Variants in SENP1 observed in about 807,000 individuals in gnomAD.
SENP1 encodes the protein SUMO specific peptidase 1, also known as sentrin-specific protease 1.
SENP1 carries 21 observed loss-of-function variants against 93.0 expected under a neutral mutation model. That is an observed-to-expected ratio of 0.23 (90% CI 0.16 to 0.33). The LOEUF (loss-of-function observed/expected upper bound fraction) is 0.33. Among genes scored for constraint, SENP1 ranks in the 10% least tolerant of loss-of-function variants. SENP1 has a pLI of 1.00. For synonymous variants in SENP1, 256 were observed against 259.6 expected, an observed-to-expected ratio of 0.99 and a Z score of 0.13; for missense variants, 591 against 758.7, an observed-to-expected ratio of 0.78 and a Z score of 2.60.
At chr12:48,068,020 C>G (rs775649987) in intron 9 of SENP1, among the ~76,000 whole-genome samples, 4 of 152,120 alleles carry the variant, frequency 2.6e-5, no homozygotes, top group Non-Finnish European at 5.9e-5. Flanking sequence ...GCCACCACAC[C>G]TGGCTAATTT....
At position 48,059,435 on chromosome 12, in the gene SENP1, C is replaced by T. The variant is rs377451914; in HGVS notation, c.1407+4275G>A. ...TTTTTCATTTCTAGAAGTTCAAGGT[C>T]GGTCTTGTTTAAAAAATATCTTCCA... On this transcript the variant is annotated intron_variant, in intron 13 of 17. Transcript: ENST00000549518. Among the ~76,000 whole-genome samples the T allele has an allele frequency of 3.0e-4, 45 of 152,182 alleles. 1 individual carries two copies. In the South Asian group the frequency reaches 7.3e-3, roughly 25 times the overall value.
chr12:48,055,777 TAATA>T (rs1053275830), intron 13 of SENP1, among the ~76,000 whole-genome samples: 2 of 145,946 alleles, frequency 1.4e-5, no homozygotes, highest in Non-Finnish European at 3.0e-5. Flanking sequence ...ATTGAATATA[TAATA>T]TATATTATTT....
intron 4 of SENP1, among the ~76,000 whole-genome samples, chr12:48,092,698 A>G (rs532028971): frequency 1.3e-5 from 2 of 152,346 alleles, no homozygotes; most frequent in South Asian, 4.1e-4. Flanking sequence ...TTCTCCAAAA[A>G]AAAGGTACTC....
rs768056673 is a variant in SENP1, at chr12:48,097,984, TG to T, written c.135+9del. 7.5e-6 allele frequency: 12 copies of T among 1,610,116 alleles called. No homozygotes were observed. In the East Asian group the frequency reaches 1.8e-4, roughly 24 times the overall value. ...AATTAATTAATTAAAGGAAGAAAAT[TG>T]CTCCTAACCTGCTGGTCAGAAAGCG... On this transcript the variant is annotated intron_variant, in intron 3 of 17. Coordinates refer to ENST00000549518, the MANE Select transcript of SENP1 (RefSeq NM_001267594.2).
At chr12:48,053,904 T>C (rs1201128810) in intron 13 of SENP1, among the ~76,000 whole-genome samples, 1 of 152,128 alleles carries the variant, frequency 6.6e-6, no homozygotes, top group Non-Finnish European at 1.5e-5. Flanking sequence ...CAACTGGTAA[T>C]AACTAATATG....
intron 17 of SENP1, among the ~76,000 whole-genome samples, chr12:48,045,895 T>G (rs1250771047): frequency 6.6e-6 from 1 of 152,174 alleles, no homozygotes; most frequent in Non-Finnish European, 1.5e-5. Context: ...AGAGACCACA[T>G]GGACAGAAAT....
chr12:48,083,181 A>G (rs960932103), intron 6 of SENP1, among the ~76,000 whole-genome samples: 3 of 152,218 alleles, frequency 2.0e-5, no homozygotes. Context: ...CTGGGATCAT[A>G]GGCATGAGCC....
chr12:48,086,200 A>T (rs1040732526), intron 5 of SENP1, among the ~76,000 whole-genome samples: 2 of 152,232 alleles, frequency 1.3e-5, no homozygotes, highest in African/African-American at 4.8e-5. Flanking sequence ...TGCTTTGAAA[A>T]CTGGTAATGA....
intron 15 of SENP1, 146 bp downstream of exon 15, chr12:48,047,855 T>A: frequency 1.7e-6 from 1 of 603,546 alleles, no homozygotes; most frequent in South Asian, 2.2e-5. Context: ...AAACTAAACT[T>A]ACTTAGATAC....
intron 4 of SENP1, 180 bp from the exon 5 acceptor site, chr12:48,089,140 A>C (rs368249591): frequency 6.3e-7 from 1 of 1,575,074 alleles, no homozygotes; most frequent in African/African-American, 1.3e-5. Context: ...TCTACAAACT[A>C]TAATTGATTC....
At chr12:48,053,137 C>G (rs534792384) in intron 13 of SENP1, among the ~76,000 whole-genome samples, 1 of 152,210 alleles carries the variant, frequency 6.6e-6, no homozygotes, top group South Asian at 2.1e-4. Context: ...ATGACCACTA[C>G]CAATTCCCCC....
At position 48,071,707 on chromosome 12, in the gene SENP1, T is replaced by C; in HGVS notation, c.955A>G (p.Ile319Val). The C allele has an allele frequency of 6.2e-7, 1 of 1,608,254 alleles. No homozygotes were observed. The highest frequency in any genetic ancestry group is 8.5e-7 in the Non-Finnish European group (1 of 1,175,330). ...TGGGAATCTTTCACTTTCAGTAAAA[T>C]CACAGAGTCTGATCCTAAAGAAACA... ...NTQSEGSDSVILLKVKDSQTP... is the reference protein window; with the variant it reads ...NTQSEGSDSVVLLKVKDSQTP... The change falls in exon 9 of 18, where the codon ATT (isoleucine) becomes GTT (valine). Residue 319 changes from isoleucine (I) to valine (V), a missense_variant. By Grantham distance (29) the Ile-to-Val change is conservative. Around this residue, in one of 4 missense-constraint regions of SENP1, gnomAD observed 238 missense variants for 259.1 expected, o/e 0.92. Transcript: ENST00000549518.
chr12:48,080,804 T>C (rs1944443695), intron 6 of SENP1, among the ~76,000 whole-genome samples: 1 of 152,224 alleles, frequency 6.6e-6, no homozygotes, highest in Non-Finnish European at 1.5e-5. Flanking sequence ...GTAGCTTGAC[T>C]TTCATATTAG....
rs766711163 is a variant in SENP1 at position 48,065,241 on chromosome 12, G to A, written c.1120-21C>T. The stretch of plus-strand genomic sequence containing the variant: ...AATCTCTGAAAGATAAAACTTCAGA[G>A]TAAGTGGGATAAAGAAATCTGTGGA... On this transcript the variant is annotated intron_variant, in intron 11 of 17. Transcript: ENST00000549518. 1.6e-5 allele frequency: 24 copies of A among 1,548,216 alleles called. No individual in the cohort carries two copies. The African/African-American group carries it at 1.6e-4, about 11-fold the overall frequency.
chr12:48,073,420 T>TA (rs1269715255), intron 8 of SENP1, among the ~76,000 whole-genome samples: 42 of 147,440 alleles, frequency 2.8e-4, no homozygotes, highest in South Asian at 1.1e-3. Flanking sequence ...ACAAATAGAT[T>TA]AAAAAAAAAA....
chr12:48,079,292 G>A (rs1944348830), intron 6 of SENP1, among the ~76,000 whole-genome samples: 1 of 152,146 alleles, frequency 6.6e-6, no homozygotes, highest in East Asian at 1.9e-4. Context: ...GAAGTCAGTA[G>A]ATCGAGACCA....
chr12:48,076,374 G>C (rs1254777636), intron 6 of SENP1, among the ~76,000 whole-genome samples: 1 of 152,056 alleles, frequency 6.6e-6, no homozygotes, highest in African/African-American at 2.4e-5. Context: ...GCCCAGGCTG[G>C]AGTGCAGGTG....
At position 48,042,918 on chromosome 12, in the gene SENP1, ATTTAG is replaced by A. The variant is rs956275724; in HGVS notation, c.*2399_*2403del. 24 of 152,142 alleles carry A rather than the reference ATTTAG, an allele frequency of 1.6e-4. No homozygotes were observed. Among genetic ancestry groups the A allele is most frequent in the African/African-American group, 5.1e-4 (21 of 41,418 alleles). 9.4% of individuals were successfully genotyped at this position (152,142 alleles called of 1,614,324 possible). A position where few individuals can be genotyped will look rare whatever the true frequency, so the allele number is the denominator to read the frequency against. On this transcript the variant is annotated 3_prime_UTR_variant, in exon 18 of 18. Transcript: ENST00000549518. ...GGGGAACACAGGAGAAAAAAGTCTTATTTAGTTTAAAGTAAATTACATAAGATATT... is the reference window on the plus strand; with the variant it reads ...GGGGAACACAGGAGAAAAAAGTCTTATTTAAAGTAAATTACATAAGATATT...
intron 6 of SENP1, among the ~76,000 whole-genome samples, chr12:48,082,021 T>G (rs1305852438): frequency 1.3e-5 from 2 of 152,008 alleles, no homozygotes; most frequent in African/African-American, 4.8e-5. Flanking sequence ...CCCGAGTAGC[T>G]AGGACTTACA....
Sources: gnomAD v4.1 joint callset for allele counts (sites outside exome capture counted in the v4.1 genomes callset) on GRCh38, gnomAD v4.1.1 for gene constraint, gnomAD v4.1.1 regional missense constraint, MANE v1.5 for transcripts, NCBI Gene and HGNC (gene_info 2026-07-23, HGNC 2026-07-21) for gene names.